Variants in ARHGAP15 observed in about 807,000 individuals in gnomAD.
ARHGAP15 encodes the protein Rho GTPase activating protein 15.
A neutral mutation model predicts 63.7 loss-of-function variants in ARHGAP15; 51 were observed. That is an observed-to-expected ratio of 0.80 (90% CI 0.64 to 1.01). The LOEUF (loss-of-function observed/expected upper bound fraction) is 1.01. ARHGAP15 is among the 50% of genes least tolerant of loss of function. The probability of loss-of-function intolerance (pLI) is 0.00; values close to 1 mark genes in which losing one functional copy is unlikely to be tolerated. For missense variants in ARHGAP15, 560 were observed against 564.6 expected, an observed-to-expected ratio of 0.99 and a Z score of 0.08; for synonymous variants, 191 against 193.8, an observed-to-expected ratio of 0.99 and a Z score of 0.12.
chr2:143,575,548 T>G (rs1696645423), intron 11 of ARHGAP15, among the ~76,000 whole-genome samples: 1 of 152,154 alleles, frequency 6.6e-6, no homozygotes, highest in Admixed American at 6.6e-5. Context: ...GGGGGAGCTT[T>G]CTTTTCCCTA....
intron 6 of ARHGAP15, among the ~76,000 whole-genome samples, chr2:143,261,323 AC>A (rs1680704809): frequency 1.6e-5 from 2 of 125,148 alleles, no homozygotes; most frequent in African/African-American, 6.2e-5. Flanking sequence ...TGGAGGAATG[AC>A]CTTTTTTTTT....
chr2:143,386,172 C>A (rs1203767924), intron 6 of ARHGAP15, among the ~76,000 whole-genome samples: 1 of 152,102 alleles, frequency 6.6e-6, no homozygotes, highest in African/African-American at 2.4e-5. Flanking sequence ...TGATACCACT[C>A]AGCCACCAAC....
At chr2:143,475,480 T>C (rs546860816) in intron 8 of ARHGAP15, among the ~76,000 whole-genome samples, 1 of 152,340 alleles carries the variant, frequency 6.6e-6, no homozygotes, top group East Asian at 1.9e-4. Flanking sequence ...CCAACAAAAC[T>C]ATTCTGTGAG....
intron 8 of ARHGAP15, among the ~76,000 whole-genome samples, chr2:143,447,754 C>A (rs909657213): frequency 4.6e-5 from 7 of 152,164 alleles, no homozygotes; most frequent in Non-Finnish European, 8.8e-5. Flanking sequence ...TACTTTTGCA[C>A]TGACGAATAA....
intron 1 of ARHGAP15, among the ~76,000 whole-genome samples, chr2:143,145,840 GT>G (rs1435760827): frequency 0.017 from 41 of 2,370 alleles, no homozygotes; most frequent in South Asian, 0.077. Flanking sequence ...ATGTATAGGG[GT>G]GTGTGTGTGT....
chr2:143,248,548 C>G (rs938055623), intron 5 of ARHGAP15, among the ~76,000 whole-genome samples: 46 of 152,246 alleles, frequency 3.0e-4, no homozygotes, highest in African/African-American at 9.9e-4. Flanking sequence ...AGCTGGGTAA[C>G]CTTGAGGAAA....
intron 11 of ARHGAP15, among the ~76,000 whole-genome samples, chr2:143,558,218 A>C (rs904605198): frequency 3.9e-5 from 6 of 152,228 alleles, no homozygotes; most frequent in Non-Finnish European, 8.8e-5. Flanking sequence ...CCACATTTAC[A>C]TACTGTTGTG....
chr2:143,171,875 A>C (rs951273485), intron 2 of ARHGAP15: 1 of 152,128 alleles, frequency 6.6e-6, no homozygotes, highest in South Asian at 2.1e-4. Flanking sequence ...AAATGTTTGT[A>C]TAACAATAAT....
chr2:143,515,337 T>A (rs1693767794), intron 9 of ARHGAP15, among the ~76,000 whole-genome samples: 1 of 152,142 alleles, frequency 6.6e-6, no homozygotes, highest in Non-Finnish European at 1.5e-5. Flanking sequence ...AATACCTAGT[T>A]AAAAATGACT....
intron 1 of ARHGAP15, among the ~76,000 whole-genome samples, chr2:143,134,632 C>CTT (rs139259059): frequency 6.1e-4 from 73 of 119,432 alleles, no homozygotes; most frequent in Non-Finnish European, 1.2e-3. Flanking sequence ...TATTCCTTTT[C>CTT]TTTTTTTTTT....
chr2:143,434,528 A>T (rs1254284925), intron 6 of ARHGAP15, among the ~76,000 whole-genome samples: 1 of 152,098 alleles, frequency 6.6e-6, no homozygotes, highest in African/African-American at 2.4e-5. Flanking sequence ...CTAAAGCGTG[A>T]TTTGTGATTT....
chr2:143,674,748 T>C (rs146826850), intron 12 of ARHGAP15, among the ~76,000 whole-genome samples: 119 of 152,282 alleles, frequency 7.8e-4, no homozygotes, highest in African/African-American at 2.6e-3. Context: ...ACGAAAACAA[T>C]GTACAGGCCT....
chr2:143,473,259 C>CTGTGTT (rs2105194540), intron 8 of ARHGAP15, among the ~76,000 whole-genome samples: 1 of 152,326 alleles, frequency 6.6e-6, no homozygotes, highest in African/African-American at 2.4e-5. Context: ...CTCCATGTTT[C>CTGTGTT]TGTCCCCCTC....
chr2:143,740,500 C>T (rs1480999643), intron 13 of ARHGAP15, among the ~76,000 whole-genome samples: 2 of 152,132 alleles, frequency 1.3e-5, no homozygotes, highest in Non-Finnish European at 2.9e-5. Flanking sequence ...AAAGAAATTC[C>T]TGAAATTGCA....
intron 13 of ARHGAP15, among the ~76,000 whole-genome samples, chr2:143,710,934 T>C (rs1684552911): frequency 6.6e-6 from 1 of 152,216 alleles, no homozygotes; most frequent in African/African-American, 2.4e-5. Flanking sequence ...AACTGTAAAA[T>C]TCTACCTACA....
intron 6 of ARHGAP15, among the ~76,000 whole-genome samples, chr2:143,335,320 T>G (rs766647730): frequency 2.6e-5 from 4 of 152,198 alleles, no homozygotes; most frequent in Non-Finnish European, 5.9e-5. Context: ...CCCAGTATAT[T>G]TCACAATAAT....
rs1202571594 is a variant in ARHGAP15 at position 143,379,487 on chromosome 2, A to ATATATG, written c.475-56113_475-56112insATATGT. ...AACAAGGTGGTTTTTAGGCATATAT[A>ATATATG]TGTGTGTGTGTGTGTGTGTGTGTGT... On this transcript the variant is annotated intron_variant, in intron 6 of 13. Transcript: ENST00000295095. Among the ~76,000 whole-genome samples, 557 of 129,822 alleles carry ATATATG rather than the reference A, an allele frequency of 4.3e-3. 3 individuals are homozygous for ATATATG. The highest frequency in any genetic ancestry group is 0.015 in the African/African-American group (533 of 34,618). 85.2% of individuals were successfully genotyped at this position (129,822 alleles called of 152,430 possible).
chr2:143,397,891 T>C (rs985558913), intron 6 of ARHGAP15, among the ~76,000 whole-genome samples: 4 of 152,106 alleles, frequency 2.6e-5, no homozygotes, highest in African/African-American at 9.7e-5. Flanking sequence ...ATGAATTGAT[T>C]ATAAAAATTC....
At chr2:143,365,448 TTG>T (rs1207442150) in intron 6 of ARHGAP15, among the ~76,000 whole-genome samples, 1 of 152,234 alleles carries the variant, frequency 6.6e-6, no homozygotes, top group African/African-American at 2.4e-5. Flanking sequence ...GGTGGATAGT[TTG>T]TGTGACAATG....
Sources: gnomAD v4.1 joint callset for allele counts (sites outside exome capture counted in the v4.1 genomes callset) on GRCh38, gnomAD v4.1.1 for gene constraint, MANE v1.5 for transcripts, NCBI Gene and HGNC (gene_info 2026-07-23, HGNC 2026-07-21) for gene names.